PIGU: variants seen among roughly 807,000 people sequenced by gnomAD.
PIGU encodes the protein GPI-anchor transamidase component PIGU.
Under a neutral mutation model 49.9 loss-of-function variants are expected in PIGU, and 24 were observed. The observed-to-expected ratio is 0.48, with a 90% confidence interval of 0.35 to 0.68. PIGU has a LOEUF of 0.68. Ranked by LOEUF, PIGU falls within the 30% of genes least tolerant of loss-of-function variation. PIGU has a pLI of 0.01. For synonymous variants in PIGU, 220 were observed against 205.7 expected, an observed-to-expected ratio of 1.07 and a Z score of -0.59; for missense variants, 490 against 532.6, an observed-to-expected ratio of 0.92 and a Z score of 0.79.
chr20:34,571,184 G>A (rs1453017039), intron 11 of PIGU, among the ~76,000 whole-genome samples: 2 of 152,040 alleles, frequency 1.3e-5, no homozygotes, highest in African/African-American at 2.4e-5. Flanking sequence ...ACACTCAGGC[G>A]CACCCCCCAC....
intron 1 of PIGU, among the ~76,000 whole-genome samples, chr20:34,657,717 A>G (rs1986747862): frequency 6.6e-6 from 1 of 152,106 alleles, no homozygotes; most frequent in Admixed American, 6.6e-5. Context: ...CCCAGATATG[A>G]TACTTCTTAG....
chr20:34,616,134 C>T lies in PIGU; in HGVS notation c.535G>A (p.Ala179Thr), dbSNP rs776199120. ...GCAAGAAAAATAGCACTGAGGAAAG[C>T]ACTGCCTGTAAAAAGAAAGAAATGT... ...FFILTTIKGS[A>T]FLSAIFLALA... The change falls in exon 7 of 12, where the codon GCT becomes ACT. Residue 179 changes from alanine to threonine, a missense_variant. Coordinates refer to ENST00000217446, the MANE Select transcript of PIGU (RefSeq NM_080476.5). The T allele has an allele frequency of 1.9e-6, 3 of 1,612,442 alleles. No individual in the cohort carries two copies. The Admixed American group carries it at 5.0e-5, about 27-fold the overall frequency.
At chr20:34,612,193 C>T (rs1407813421) in intron 7 of PIGU, among the ~76,000 whole-genome samples, 1 of 152,142 alleles carries the variant, frequency 6.6e-6, no homozygotes, top group Non-Finnish European at 1.5e-5. Context: ...AAGGAGTTCA[C>T]GTCCTTTGCA....
chr20:34,603,884 A>AC (rs1474565290), intron 7 of PIGU, among the ~76,000 whole-genome samples: 1 of 151,964 alleles, frequency 6.6e-6, no homozygotes, highest in African/African-American at 2.4e-5. Flanking sequence ...ACACACACAC[A>AC]CACACCACAC....
intron 1 of PIGU, among the ~76,000 whole-genome samples, chr20:34,663,982 T>A (rs1407386401): frequency 6.6e-6 from 1 of 152,252 alleles, no homozygotes; most frequent in African/African-American, 2.4e-5. Context: ...TAAAATGTAA[T>A]TCATCTCAGA....
intron 7 of PIGU, among the ~76,000 whole-genome samples, chr20:34,604,547 C>T (rs996219929): frequency 1.3e-5 from 2 of 152,142 alleles, no homozygotes; most frequent in South Asian, 4.1e-4. Flanking sequence ...TTCATTTTTA[C>T]CCATTCCAAA....
intron 7 of PIGU, among the ~76,000 whole-genome samples, chr20:34,592,287 C>T (rs1284543771): frequency 2.8e-5 from 4 of 145,124 alleles, no homozygotes; most frequent in South Asian, 2.2e-4. Flanking sequence ...TTAGAAAAAA[C>T]AGAATAAACC....
chr20:34,616,094 T>C lies in PIGU; in HGVS notation c.575A>G (p.Gln192Arg), dbSNP rs1323149275. Residue 192 changes from glutamine (Q) to arginine (R), a missense_variant, in exon 7 of 12, where the codon CAG becomes CGG. Gln to Arg is a conservative substitution (Grantham distance 43, BLOSUM62 1). Coordinates refer to ENST00000217446, the MANE Select transcript of PIGU (RefSeq NM_080476.5). Reference sequence around the variant, plus strand: ...AAACAAGGTGAGTGGGTACAGAGACTGGTATGTCGCTAAGGCAAGAAAAAT... The same window carrying C: ...AAACAAGGTGAGTGGGTACAGAGACCGGTATGTCGCTAAGGCAAGAAAAAT... ...SAIFLALATY[Q>R]SLYPLTLFVP... is the part of the protein sequence containing the mutation. 2 of 1,613,078 alleles carry C rather than the reference T, an allele frequency of 1.2e-6. No homozygotes were observed. The highest frequency in any genetic ancestry group is 1.7e-6 in the Non-Finnish European group (2 of 1,179,694).
At chr20:34,660,841 A>G (rs1045182229) in intron 1 of PIGU, among the ~76,000 whole-genome samples, 9 of 152,214 alleles carry the variant, frequency 5.9e-5, no homozygotes, top group African/African-American at 2.2e-4. Flanking sequence ...TGGACTAGAA[A>G]TGGACATTAG....
intron 1 of PIGU, among the ~76,000 whole-genome samples, chr20:34,660,048 T>TA (rs1555803430): frequency 0.06 from 2,494 of 41,404 alleles, 42 homozygotes; most frequent in Middle Eastern, 0.14. Flanking sequence ...GAATGATCAA[T>TA]AAAAAAAAAA....
In PIGU at chr20:34,655,044, T is replaced by C. The variant is rs1204857924; in HGVS notation, c.195+2136A>G. Among the ~76,000 whole-genome samples, 8 of 116,230 alleles carry C rather than the reference T, an allele frequency of 6.9e-5. 3 individuals carry two copies. The highest frequency in any genetic ancestry group is 2.6e-4 in the African/African-American group (8 of 31,370). 76.3% of individuals were successfully genotyped at this position (116,230 alleles called of 152,430 possible). On this transcript the variant is annotated intron_variant, in intron 2 of 11. Transcript: ENST00000217446. ...AATTAAGGCCAAGCACAGTGGCTCA[T>C]GCCTGTAATCCCAACACTTTCGGAG... is the stretch of plus-strand genomic sequence containing the variant.
chr20:34,590,128 TA>T (rs902033110), intron 7 of PIGU, among the ~76,000 whole-genome samples: 1 of 147,304 alleles, frequency 6.8e-6, no homozygotes, highest in Non-Finnish European at 1.5e-5. Context: ...GGAAGAGAAA[TA>T]ATTTATTGTT....
chr20:34,663,670 T>C (rs538257074), intron 1 of PIGU, among the ~76,000 whole-genome samples: 2 of 152,326 alleles, frequency 1.3e-5, no homozygotes, highest in South Asian at 4.1e-4. Flanking sequence ...TAACTGGTCC[T>C]TATACTGCAA....
At chr20:34,575,883 AG>A (rs1568622442) in intron 10 of PIGU, among the ~76,000 whole-genome samples, 2 of 152,192 alleles carry the variant, frequency 1.3e-5, no homozygotes. Context: ...GCTCTCCCTG[AG>A]GTCTCAGGAA....
intron 6 of PIGU, among the ~76,000 whole-genome samples, chr20:34,622,590 G>T (rs975637817): frequency 1.3e-5 from 2 of 152,080 alleles, no homozygotes; most frequent in African/African-American, 2.4e-5. Context: ...GATCACGGAG[G>T]GCTAAGCTTG....
intron 2 of PIGU, among the ~76,000 whole-genome samples, chr20:34,656,758 C>T (rs1448025819): frequency 7.9e-5 from 10 of 126,458 alleles, no homozygotes; most frequent in Non-Finnish European, 1.5e-4. Context: ...AGAATAAGAC[C>T]CTGCCAAAAA....
intron 7 of PIGU, among the ~76,000 whole-genome samples, chr20:34,610,569 T>C (rs1984775596): frequency 6.6e-6 from 1 of 152,064 alleles, no homozygotes; most frequent in Non-Finnish European, 1.5e-5. Flanking sequence ...CACAAACAAA[T>C]GGAAAAAAAT....
At position 34,648,351 on chromosome 20, in the gene PIGU, A is replaced by G. The variant is rs76317281; in HGVS notation, c.196-3017T>C. ...AGATGCAGTTCTATGTAGAATTACT[A>G]TATCTTCTGGGTGCAGTGATCTTTT... On this transcript the variant is annotated intron_variant, in intron 2 of 11. Coordinates refer to ENST00000217446, the MANE Select transcript of PIGU (RefSeq NM_080476.5). Among the ~76,000 whole-genome samples, 379 of 151,766 alleles carry G rather than the reference A, an allele frequency of 2.5e-3. 1 individual carries two copies. Among genetic ancestry groups the G allele is most frequent in the African/African-American group, 8.1e-3 (334 of 41,394 alleles).
intron 7 of PIGU, among the ~76,000 whole-genome samples, chr20:34,608,848 T>G (rs567428785): frequency 6.6e-6 from 1 of 152,308 alleles, no homozygotes; most frequent in South Asian, 2.1e-4. Flanking sequence ...GGACATCTCA[T>G]TCTGTCACAG....
Sources: allele counts gnomAD v4.1 joint callset (sites outside exome capture counted in the v4.1 genomes callset), GRCh38; gene constraint gnomAD v4.1.1; transcripts MANE v1.5; gene names NCBI Gene and HGNC (gene_info 2026-07-23, HGNC 2026-07-21).